EYS: variants seen among roughly 807,000 people sequenced by gnomAD.
EYS encodes the protein EGF-like photoreceptor maintenance factor.
EYS carries 250 observed loss-of-function variants against 282.1 expected under a neutral mutation model. The ratio of observed to expected loss-of-function variants is 0.89; its 90% CI spans 0.80 to 0.98. The LOEUF is 0.98. Among genes scored for constraint, EYS ranks in the 50% least tolerant of loss-of-function variants. The pLI, the probability that EYS is intolerant of heterozygous loss-of-function variation, is 0.00. For synonymous variants in EYS, 1,355 were observed against 1,282.9 expected, an observed-to-expected ratio of 1.06 and a Z score of -1.20; for missense variants, 4,016 against 3,709.0, an observed-to-expected ratio of 1.08 and a Z score of -2.15.
At chr6:64,660,513 T>C (rs1191790282) in intron 22 of EYS, among the ~76,000 whole-genome samples, 3 of 152,104 alleles carry the variant, frequency 2.0e-5, no homozygotes, top group South Asian at 2.1e-4. Flanking sequence ...AAAATCTCCT[T>C]AAGCTGATAA....
At chr6:64,069,658 A>C (rs1341265665) in intron 32 of EYS, among the ~76,000 whole-genome samples, 1 of 152,046 alleles carries the variant, frequency 6.6e-6, no homozygotes, top group Non-Finnish European at 1.5e-5. Context: ...GAATTTCTTA[A>C]AATAAGAGCA....
chr6:63,768,544 CAG>C (rs1386992014), intron 40 of EYS, among the ~76,000 whole-genome samples: 2 of 151,868 alleles, frequency 1.3e-5, no homozygotes, highest in African/African-American at 4.8e-5. Flanking sequence ...TCACACCAAT[CAG>C]AATGGCTATT....
intron 12 of EYS, among the ~76,000 whole-genome samples, chr6:65,101,896 G>A (rs1774904291): frequency 6.6e-6 from 1 of 151,158 alleles, no homozygotes; most frequent in Non-Finnish European, 1.5e-5. Context: ...CCAAAATCAT[G>A]CACTAACATA....
intron 31 of EYS, among the ~76,000 whole-genome samples, chr6:64,226,119 T>A (rs967947728): frequency 1.3e-5 from 2 of 152,144 alleles, no homozygotes; most frequent in African/African-American, 4.8e-5. Context: ...TCCCTTGCCT[T>A]CTTAGCTATG....
chr6:64,411,966 T>TTTTTATATATGCATGC (rs1582720067), intron 28 of EYS, among the ~76,000 whole-genome samples: 2 of 150,774 alleles, frequency 1.3e-5, no homozygotes, highest in African/African-American at 4.9e-5. Context: ...TATGTATATA[T>TTTTTATATATGCATGC]ATACAAGTAT....
At chr6:65,576,218 GATCACTTACTA>G (rs1764661920) in intron 2 of EYS, among the ~76,000 whole-genome samples, 1 of 151,848 alleles carries the variant, frequency 6.6e-6, no homozygotes, top group South Asian at 2.1e-4. Context: ...ACACTAAAAG[GATCACTTACTA>G]TAATCAAGTG....
rs77067083 is a variant in EYS at position 63,932,714 on chromosome 6, C to T, written c.7055+51669G>A. Reference sequence around the variant, plus strand: ...TCACACTCCACCCAACAGAACACTTCTGATACCAGATATGTAGGGGGTTTT... The same window carrying T: ...TCACACTCCACCCAACAGAACACTTTTGATACCAGATATGTAGGGGGTTTT... On this transcript the variant is annotated intron_variant, in intron 35 of 42. Transcript: ENST00000503581. 8.1e-3 allele frequency among the ~76,000 whole-genome samples: 1,233 copies of T among 152,356 alleles called. 10 individuals carry two copies. The highest frequency in any genetic ancestry group is 0.034 in the Middle Eastern group (10 of 294).
At chr6:64,695,195 C>A (rs1436726696) in intron 22 of EYS, among the ~76,000 whole-genome samples, 1 of 151,994 alleles carries the variant, frequency 6.6e-6, no homozygotes, top group Non-Finnish European at 1.5e-5. Flanking sequence ...AGGGCCTAAA[C>A]CATAGCCTGG....
At chr6:63,861,396 G>A (rs1772527675) in intron 36 of EYS, among the ~76,000 whole-genome samples, 1 of 152,098 alleles carries the variant, frequency 6.6e-6, no homozygotes, top group African/African-American at 2.4e-5. Flanking sequence ...CTTTTGTCAG[G>A]ACCACTCCAA....
intron 1 of EYS, among the ~76,000 whole-genome samples, chr6:65,700,955 T>C (rs1436634652): frequency 6.6e-6 from 1 of 152,206 alleles, no homozygotes; most frequent in Non-Finnish European, 1.5e-5. Flanking sequence ...ATCTGGTTTA[T>C]TGTTTCATAT....
At chr6:64,425,431 G>A (rs369397874) in intron 28 of EYS, among the ~76,000 whole-genome samples, 35 of 152,018 alleles carry the variant, frequency 2.3e-4, no homozygotes, top group African/African-American at 8.2e-4. Flanking sequence ...GAGGCGGGAG[G>A]ATCACCCAAG....
intron 29 of EYS, among the ~76,000 whole-genome samples, chr6:64,312,896 C>G (rs983695362): frequency 6.9e-6 from 1 of 144,192 alleles, no homozygotes; most frequent in Admixed American, 7.2e-5. Flanking sequence ...CATCAAAAAC[C>G]AAAGATAGAT....
chr6:65,498,673 A>G (rs1766338518), intron 2 of EYS, among the ~76,000 whole-genome samples: 1 of 151,904 alleles, frequency 6.6e-6, no homozygotes, highest in African/African-American at 2.4e-5. Context: ...AAAAAACACT[A>G]ACACAAAAAC....
chr6:63,999,558 G>A (rs971262873), intron 33 of EYS, among the ~76,000 whole-genome samples: 1 of 152,184 alleles, frequency 6.6e-6, no homozygotes, highest in African/African-American at 2.4e-5. Flanking sequence ...TAACATCAAT[G>A]TTAAATGATG....
intron 12 of EYS, among the ~76,000 whole-genome samples, chr6:65,166,949 T>C (rs1442679781): frequency 6.6e-6 from 1 of 151,158 alleles, no homozygotes; most frequent in Non-Finnish European, 1.5e-5. Flanking sequence ...ATATGATCAC[T>C]ATCATTAGCT....
chr6:64,694,504 A>C (rs982566183), intron 22 of EYS, among the ~76,000 whole-genome samples: 2 of 152,134 alleles, frequency 1.3e-5, no homozygotes, highest in African/African-American at 4.8e-5. Flanking sequence ...GGAGACTGTG[A>C]GGAGGATTGA....
intron 12 of EYS, among the ~76,000 whole-genome samples, chr6:65,158,193 C>T (rs574458193): frequency 6.6e-6 from 1 of 150,832 alleles, no homozygotes; most frequent in African/African-American, 2.4e-5. Flanking sequence ...ACTATTCATG[C>T]TTTTGTAGAC....
intron 33 of EYS, among the ~76,000 whole-genome samples, chr6:64,028,246 C>T (rs900583914): frequency 1.3e-5 from 2 of 152,190 alleles, no homozygotes; most frequent in Non-Finnish European, 2.9e-5. Context: ...AATGCCTGCC[C>T]AGTCCAAATC....
intron 31 of EYS, among the ~76,000 whole-genome samples, chr6:64,142,357 G>C (rs1023438071): frequency 6.6e-6 from 1 of 151,942 alleles, no homozygotes; most frequent in Non-Finnish European, 1.5e-5. Context: ...GCTGAGTTCT[G>C]AGAAAAGGGC....
Sources: gnomAD v4.1 joint callset for allele counts (sites outside exome capture counted in the v4.1 genomes callset) on GRCh38, gnomAD v4.1.1 for gene constraint, MANE v1.5 for transcripts, NCBI Gene and HGNC (gene_info 2026-07-23, HGNC 2026-07-21) for gene names.